CNBD2: variants seen among roughly 807,000 people sequenced by gnomAD.
CNBD2 encodes the protein cyclic nucleotide binding domain containing 2.
In CNBD2, 64 loss-of-function variants were observed where a neutral mutation model predicts 63.7. The ratio of observed to expected loss-of-function variants is 1.00; its 90% confidence interval spans 0.82 to 1.24. CNBD2 has a LOEUF of 1.24. CNBD2 is among the 50% of genes most tolerant of loss of function. The pLI is 0.00. For missense variants in CNBD2, 691 were observed against 713.5 expected (o/e 0.97, Z 0.36); for synonymous variants, 229 against 255.4 (o/e 0.90, Z 0.99).
In CNBD2 at chr20:35,980,548, G is replaced by A. The variant is rs555284126; in HGVS notation, c.333G>A (p.Leu111=). Reference sequence around the variant, plus strand: ...AGATCCAGGCCGTCTGTAACATCTTGCAGGTTCTGGATAGCTATCGGAACT... The same window carrying A: ...AGATCCAGGCCGTCTGTAACATCTTACAGGTTCTGGATAGCTATCGGAACT... ...EDEIQAVCNI[L]QVLDSYRNYA... The change falls in exon 4 of 12, where the codon TTG becomes TTA. Residue 111 remains leucine, a synonymous_variant. Transcript: ENST00000373973. The A allele has an allele frequency of 3.1e-4, 497 of 1,614,178 alleles. 2 individuals carry two copies. In the South Asian group the frequency reaches 3.4e-3, roughly 11 times the overall value.
At chr20:36,006,662 C>T (rs2056989278) in intron 8 of CNBD2, among the ~76,000 whole-genome samples, 1 of 152,206 alleles carries the variant, frequency 6.6e-6, no homozygotes, top group Non-Finnish European at 1.5e-5. Context: ...AGCGATCCTC[C>T]TGCCTTGGCC....
In CNBD2 at chr20:36,023,508, C is replaced by G. The variant is rs569100207; in HGVS notation, c.1270-94C>G. The stretch of plus-strand genomic sequence containing the variant: ...AGCCTGGGCAACAACAGCGAAACTC[C>G]GTCTCAAAAAAAAATAAAAGAAAAA... On this transcript the variant is annotated intron_variant, in intron 10 of 11. Transcript: ENST00000373973. The G allele has an allele frequency of 6.8e-6, 8 of 1,182,186 alleles. No homozygotes were observed. In the East Asian group the frequency reaches 1.3e-4, roughly 19 times the overall value. The allele number at this position is 1,182,186 out of a possible 1,614,324, so 73.2% of individuals were successfully genotyped here. A position where few individuals can be genotyped will look rare whatever the true frequency, so the allele number is the denominator to read the frequency against.
At chr20:36,012,978 G>A (rs1011222593) in intron 10 of CNBD2, among the ~76,000 whole-genome samples, 1 of 152,124 alleles carries the variant, frequency 6.6e-6, no homozygotes, top group African/African-American at 2.4e-5. Context: ...TTCAGGAGAT[G>A]GGATGAATAG....
At chr20:35,984,223 A>C (rs1176644197) in intron 5 of CNBD2, 85 bp downstream of exon 5, 2 of 1,375,360 alleles carry the variant, frequency 1.5e-6, no homozygotes, top group Non-Finnish European at 2.0e-6. Flanking sequence ...AGCCAGGCCC[A>C]GTCCTGCCTA....
chr20:35,991,557 T>G (rs2147263504), intron 7 of CNBD2, among the ~76,000 whole-genome samples: 1 of 152,336 alleles, frequency 6.6e-6, no homozygotes, highest in African/African-American at 2.4e-5. Flanking sequence ...TCTCTCCAAA[T>G]TTAACTCTAA....
chr20:35,985,188 A>G (rs1271293439), intron 6 of CNBD2, among the ~76,000 whole-genome samples: 2 of 152,032 alleles, frequency 1.3e-5, no homozygotes, highest in Non-Finnish European at 2.9e-5. Flanking sequence ...AGTTTCAGCT[A>G]CTTGGGAGGC....
intron 6 of CNBD2, 23 bp downstream of exon 6, chr20:35,984,801 T>G: frequency 6.2e-7 from 1 of 1,607,090 alleles, no homozygotes; most frequent in South Asian, 1.1e-5. Flanking sequence ...TCATTCAACA[T>G]TTTTTTCCCC....
In CNBD2 at chr20:36,023,644, C is replaced by T. The variant is rs772337776; in HGVS notation, c.1312C>T (p.Arg438Ter). 37 of 1,611,952 alleles carry T rather than the reference C, an allele frequency of 2.3e-5. No homozygotes were observed. The highest frequency in any genetic ancestry group is 1.3e-4 in the South Asian group (12 of 90,726). Reference protein sequence around the residue: ...AFLPEGECDTRPLILMSLGNE... With the variant: ...AFLPEGECDT ...CCTTCCAGAGGGTGAATGCGACACACGACCCTTGATCCTGATGAGCCTGGG... is the reference window on the plus strand; with the variant it reads ...CCTTCCAGAGGGTGAATGCGACACATGACCCTTGATCCTGATGAGCCTGGG... Residue 438 changes from arginine to a stop codon, truncating the protein, a stop_gained, in exon 11 of 12, where the codon CGA (arginine) becomes TGA (stop). Transcript: ENST00000373973. LOFTEE classifies it high-confidence loss of function.
At chr20:35,964,750 T>G (rs942193514), upstream of CNBD2, among the ~76,000 whole-genome samples, 22 of 151,772 alleles carry the variant, frequency 1.4e-4, no homozygotes, top group Non-Finnish European at 2.4e-4. Context: ...GTTGCCAGGC[T>G]GGAGTGCAGT....
chr20:36,029,331 G>A (rs1331091264), intron 11 of CNBD2, among the ~76,000 whole-genome samples: 1 of 152,202 alleles, frequency 6.6e-6, no homozygotes, highest in Non-Finnish European at 1.5e-5. Flanking sequence ...TAAGTTCTAA[G>A]TCTGAGTGAG....
intron 5 of CNBD2, 101 bp downstream of exon 5, chr20:35,984,239 C>G: frequency 8.0e-7 from 1 of 1,251,760 alleles, no homozygotes; most frequent in Non-Finnish European, 1.1e-6. Flanking sequence ...GCCTAGTACT[C>G]TGTACAAGTC....
chr20:35,975,582 G>C (rs1328682647), intron 2 of CNBD2, among the ~76,000 whole-genome samples: 12 of 152,112 alleles, frequency 7.9e-5, no homozygotes, highest in Non-Finnish European at 1.2e-4. Context: ...TTACAGGCGT[G>C]AGCCACCGCG....
At chr20:35,981,270 G>A (rs147349829) in intron 4 of CNBD2, among the ~76,000 whole-genome samples, 2 of 152,064 alleles carry the variant, frequency 1.3e-5, no homozygotes, top group Non-Finnish European at 2.9e-5. Context: ...TGTTGGTTGA[G>A]CTTGATGGTC....
At chr20:36,004,383 C>T (rs2147306229) in intron 8 of CNBD2, among the ~76,000 whole-genome samples, 1 of 152,226 alleles carries the variant, frequency 6.6e-6, no homozygotes, top group East Asian at 1.9e-4. Flanking sequence ...AGCTGCCTTG[C>T]CCTCCCCTGA....
At chr20:36,008,614 G>A (rs1445848679) in intron 9 of CNBD2, 140 bp downstream of exon 9, 15 of 787,338 alleles carry the variant, frequency 1.9e-5, no homozygotes, top group Non-Finnish European at 2.5e-5. Context: ...TGTGCATGAG[G>A]CAACCTAGAG....
intron 11 of CNBD2, among the ~76,000 whole-genome samples, chr20:36,027,572 C>A (rs750607399): frequency 6.6e-6 from 1 of 152,052 alleles, no homozygotes; most frequent in Non-Finnish European, 1.5e-5. Context: ...AGCAGCATGA[C>A]TAACTTACTA....
chr20:36,014,555 T>C (rs1284662104), intron 10 of CNBD2, among the ~76,000 whole-genome samples: 1 of 152,014 alleles, frequency 6.6e-6, no homozygotes, highest in East Asian at 1.9e-4. Context: ...GGTCTGGAAC[T>C]CCTGACCTCA....
At chr20:35,962,556 G>A (rs1007318856) in intron 2 of CNBD2, among the ~76,000 whole-genome samples, 2 of 151,838 alleles carry the variant, frequency 1.3e-5, no homozygotes, top group East Asian at 1.9e-4. Context: ...CACCGCGCCC[G>A]GCCCCCTGCA....
At position 35,984,642 on chromosome 20, in the gene CNBD2, C is replaced by T; in HGVS notation, c.580C>T (p.His194Tyr). Residue 194 changes from histidine (H) to tyrosine (Y), a missense_variant, in exon 6 of 12, where the codon CAT (histidine) becomes TAT (tyrosine). Coordinates refer to ENST00000373973, the MANE Select transcript of CNBD2 (RefSeq NM_001365709.1). ...CACCCAACAGGAAATGGACGTTCTG[C>T]ATGCTTCAGTGAGGAGGTCCACCAT... ...GSCFGEMDVL[H>Y]ASVRRSTIVC... is the part of the protein sequence containing the mutation. 6.2e-7 allele frequency: 1 copy of T among 1,614,140 alleles called. No individual in the cohort carries two copies.
Sources: gnomAD v4.1 joint callset for allele counts (sites outside exome capture counted in the v4.1 genomes callset) on GRCh38, gnomAD v4.1.1 for gene constraint, MANE v1.5 for transcripts, NCBI Gene and HGNC (gene_info 2026-07-23, HGNC 2026-07-21) for gene names.